ALK: variants seen among roughly 807,000 people sequenced by gnomAD.
ALK encodes ALK tyrosine kinase receptor.
Under a neutral mutation model 163.1 loss-of-function variants are expected in ALK, and 74 were observed. The observed-to-expected ratio is 0.45, with a 90% CI of 0.38 to 0.55. The LOEUF (loss-of-function observed/expected upper bound fraction) is 0.55, where lower values mean the gene tolerates loss of function less well. Among genes scored for constraint, ALK ranks in the 20% least tolerant of loss-of-function variants. ALK has a pLI of 0.00. For missense variants in ALK, 2,063 were observed against 2,105.3 expected, an observed-to-expected ratio of 0.98 and a Z score of 0.39; for synonymous variants, 960 against 843.2, an observed-to-expected ratio of 1.14 and a Z score of -2.40.
rs777533986 is a variant in ALK, at chr2:29,239,859, C to T, written c.2205-29G>A. The T allele has an allele frequency of 2.8e-5, 45 of 1,608,088 alleles. No individual in the cohort carries two copies. The Admixed American group carries it at 3.7e-4, about 13-fold the overall frequency. Reference sequence around the variant, plus strand: ...CAATGGGACAAAGAACGTTGGCTCCCGCTGTGGTATGAAGACTGTCCCCCT... The same window carrying T: ...CAATGGGACAAAGAACGTTGGCTCCTGCTGTGGTATGAAGACTGTCCCCCT... On this transcript the variant is annotated intron_variant, in intron 12 of 28. Transcript: ENST00000389048.
chr2:29,507,957 C>G (rs932540746), intron 4 of ALK, among the ~76,000 whole-genome samples: 3 of 152,182 alleles, frequency 2.0e-5, no homozygotes, highest in Non-Finnish European at 4.4e-5. Flanking sequence ...GAATTCACAC[C>G]AATCACTGTA....
intron 11 of ALK, among the ~76,000 whole-genome samples, chr2:29,271,591 T>G (rs967152260): frequency 3.3e-5 from 5 of 152,230 alleles, no homozygotes; most frequent in Non-Finnish European, 5.9e-5. Flanking sequence ...TTGCAGTCTC[T>G]CTGCCCTTGT....
At chr2:29,895,272 A>G (rs1385732573) in intron 1 of ALK, among the ~76,000 whole-genome samples, 2 of 152,202 alleles carry the variant, frequency 1.3e-5, no homozygotes, top group Non-Finnish European at 2.9e-5. Context: ...TGCACTGTGG[A>G]GGGGTGACAA....
chr2:29,607,278 C>G (rs1675566020), intron 3 of ALK, among the ~76,000 whole-genome samples: 1 of 152,106 alleles, frequency 6.6e-6, no homozygotes, highest in African/African-American at 2.4e-5. Flanking sequence ...GGGAGAACTG[C>G]AGCGGGCAGA....
intron 9 of ALK, among the ~76,000 whole-genome samples, chr2:29,285,133 G>A (rs1487912203): frequency 6.6e-6 from 1 of 152,206 alleles, no homozygotes; most frequent in Admixed American, 6.5e-5. Flanking sequence ...CTTTCTTCAC[G>A]CTTTCTGAGC....
At chr2:29,860,384 GA>G (rs1666248527) in intron 1 of ALK, among the ~76,000 whole-genome samples, 1 of 112,012 alleles carries the variant, frequency 8.9e-6, no homozygotes, top group Admixed American at 1.1e-4. Flanking sequence ...ATTAGTTAAG[GA>G]AAGGGAGAAA....
chr2:29,863,692 C>T (rs189932337), intron 1 of ALK, among the ~76,000 whole-genome samples: 26 of 152,208 alleles, frequency 1.7e-4, no homozygotes, highest in African/African-American at 5.5e-4. Context: ...TAGATTAGTA[C>T]AGCCATTTAT....
At chr2:29,403,146 G>A (rs1422791895) in intron 4 of ALK, among the ~76,000 whole-genome samples, 9 of 152,162 alleles carry the variant, frequency 5.9e-5, no homozygotes, top group East Asian at 1.9e-4. Context: ...TTCTAGCACC[G>A]TACCTAGAAG....
rs1189456463 is a variant in ALK at position 29,500,447 on chromosome 2, C to T, written c.1154+31468G>A. ...AAGCCAAGTGGAAGCTACTATACTT[C>T]CTGTGCAGCCTGCAGAACCATGACC... On this transcript the variant is annotated intron_variant, in intron 4 of 28. Coordinates refer to ENST00000389048, the MANE Select transcript of ALK (RefSeq NM_004304.5). 3.3e-5 allele frequency among the ~76,000 whole-genome samples: 5 copies of T among 152,180 alleles called. No individual in the cohort carries two copies. The East Asian group carries it at 9.6e-4, about 29-fold the overall frequency.
chr2:29,618,311 G>T (rs1244617930), intron 3 of ALK, among the ~76,000 whole-genome samples: 1 of 152,108 alleles, frequency 6.6e-6, no homozygotes, highest in African/African-American at 2.4e-5. Flanking sequence ...ACTGACCTCT[G>T]CTTTGTGGCA....
chr2:29,234,143 C>G (rs182646206), intron 13 of ALK, among the ~76,000 whole-genome samples: 51 of 152,188 alleles, frequency 3.4e-4, no homozygotes, highest in African/African-American at 1.2e-3. Flanking sequence ...AGAAGTCTAT[C>G]AGGACAGAGA....
intron 5 of ALK, among the ~76,000 whole-genome samples, chr2:29,376,612 G>A (rs918626966): frequency 6.6e-6 from 1 of 152,256 alleles, no homozygotes; most frequent in Non-Finnish European, 1.5e-5. Context: ...TACATACAGA[G>A]TTTGCTGCTG....
chr2:29,240,497 T>C (rs1664497060), intron 12 of ALK, among the ~76,000 whole-genome samples: 1 of 152,146 alleles, frequency 6.6e-6, no homozygotes, highest in South Asian at 2.1e-4. Flanking sequence ...TACAAAGTTG[T>C]AAAGTCTCCC....
intron 1 of ALK, among the ~76,000 whole-genome samples, chr2:29,742,197 T>C (rs1680081060): frequency 6.6e-6 from 1 of 152,146 alleles, no homozygotes; most frequent in African/African-American, 2.4e-5. Flanking sequence ...GGAGGGAAAA[T>C]GCAGGGACAG....
At chr2:29,286,424 A>G (rs1665859207) in intron 9 of ALK, 1 of 152,208 alleles carries the variant, frequency 6.6e-6, no homozygotes, top group South Asian at 2.1e-4. Flanking sequence ...GTGGTTACGC[A>G]TGAAAGTCAA....
intron 11 of ALK, among the ~76,000 whole-genome samples, 167 bp downstream of exon 11, chr2:29,274,932 C>G (rs570342271): frequency 2.6e-4 from 40 of 152,298 alleles, no homozygotes; most frequent in African/African-American, 7.9e-4. Context: ...AATATGAGAA[C>G]CAGACAGCTT....
At chr2:29,818,472 C>T (rs1425424363) in intron 1 of ALK, among the ~76,000 whole-genome samples, 1 of 152,250 alleles carries the variant, frequency 6.6e-6, no homozygotes, top group African/African-American at 2.4e-5. Context: ...CCCGGCCCGG[C>T]GCGTGCCTTG....
At chr2:29,810,888 C>T (rs987917008) in intron 1 of ALK, among the ~76,000 whole-genome samples, 1 of 152,030 alleles carries the variant, frequency 6.6e-6, no homozygotes, top group African/African-American at 2.4e-5. Flanking sequence ...CACCAGGGAG[C>T]TTTCTCTCTG....
At chr2:29,628,234 C>T (rs1676253053) in intron 3 of ALK, among the ~76,000 whole-genome samples, 1 of 152,168 alleles carries the variant, frequency 6.6e-6, no homozygotes, top group African/African-American at 2.4e-5. Context: ...TGATTCACTG[C>T]AAGCATTTTA....
Sources: allele counts gnomAD v4.1 joint callset (sites outside exome capture counted in the v4.1 genomes callset), GRCh38; gene constraint gnomAD v4.1.1; transcripts MANE v1.5; gene names NCBI Gene and HGNC (gene_info 2026-07-23, HGNC 2026-07-21).